The following KYAT1 variants were observed in gnomAD, a reference collection of about 807,000 sequenced individuals.
The protein encoded by KYAT1 is kynurenine--oxoglutarate transaminase 1.
KYAT1 carries 47 observed loss-of-function variants against 52.4 expected under a neutral mutation model. The observed-to-expected ratio is 0.90, with a 90% CI of 0.71 to 1.14. KYAT1 has a LOEUF of 1.14. Ranked by LOEUF, KYAT1 falls within the 50% of genes most tolerant of loss-of-function variation. The probability of loss-of-function intolerance (pLI) is 0.00; values close to 1 mark genes in which losing one functional copy is unlikely to be tolerated. For missense variants in KYAT1, 480 were observed against 557.9 expected, an observed-to-expected ratio of 0.86 and a Z score of 1.41; for synonymous variants, 212 against 209.6, an observed-to-expected ratio of 1.01 and a Z score of -0.10.
chr9:128,878,554 C>T (rs994046610), intron 1 of KYAT1, among the ~76,000 whole-genome samples: 1 of 152,098 alleles, frequency 6.6e-6, no homozygotes, highest in Non-Finnish European at 1.5e-5. Flanking sequence ...AAACAGAATT[C>T]CCTGAAGACA....
In KYAT1 at chr9:128,833,784, G is replaced by A; in HGVS notation, c.1165C>T (p.His389Tyr). 6.2e-7 allele frequency: 1 copy of A among 1,614,230 alleles called. No individual in the cohort carries two copies. The highest frequency in any genetic ancestry group is 1.3e-5 in the African/African-American group (1 of 75,054). The part of the protein sequence containing the change: ...IPVSIFYSVP[H>Y]QKHFDHYIRF... The stretch of plus-strand genomic sequence containing the variant: ...ATATAGTGGTCAAAGTGCTTCTGAT[G>A]TGGCACACTATAGAAGATGGAGACA... The change falls in exon 12 of 13, where the codon CAT (histidine) becomes TAT (tyrosine). Residue 389 changes from histidine to tyrosine, a missense_variant. Transcript: ENST00000302586.
At chr9:128,835,113 G>A (rs1589612382) in intron 11 of KYAT1, 1 of 568,446 alleles carries the variant, frequency 1.8e-6, no homozygotes, top group Admixed American at 3.0e-5. Flanking sequence ...CTCCAGCCTG[G>A]GCAAGAGTGA....
At chr9:128,857,053 G>A (rs1381784404) in intron 1 of KYAT1, among the ~76,000 whole-genome samples, 3 of 152,250 alleles carry the variant, frequency 2.0e-5, no homozygotes, top group Admixed American at 1.3e-4. Context: ...GGCGGGAGGC[G>A]AGACATGTTG....
At chr9:128,881,140 G>A (rs1245873226) in intron 1 of KYAT1, among the ~76,000 whole-genome samples, 1 of 152,122 alleles carries the variant, frequency 6.6e-6, no homozygotes, top group Non-Finnish European at 1.5e-5. Flanking sequence ...GAGTGCAGCG[G>A]CGCGATCTCG....
chr9:128,863,710 G>A (rs1439028737), intron 1 of KYAT1, among the ~76,000 whole-genome samples: 6 of 152,132 alleles, frequency 3.9e-5, no homozygotes, highest in African/African-American at 1.4e-4. Context: ...GGAGCAACTT[G>A]GGGGCTTGTG....
intron 6 of KYAT1, 128 bp from the exon 7 acceptor site, chr9:128,837,050 T>C (rs542926963): frequency 6.5e-6 from 8 of 1,229,594 alleles, no homozygotes; most frequent in East Asian, 2.5e-5. Flanking sequence ...TCCTAGCACT[T>C]TGGGAGGCCG....
intron 1 of KYAT1, among the ~76,000 whole-genome samples, chr9:128,850,683 G>A (rs1476938657): frequency 2.0e-5 from 3 of 152,226 alleles, no homozygotes; most frequent in African/African-American, 7.2e-5. Context: ...CTGTGCTGAG[G>A]TGGATTAGTA....
chr9:128,848,085 C>T (rs1367739623), intron 1 of KYAT1, among the ~76,000 whole-genome samples: 1 of 151,998 alleles, frequency 6.6e-6, no homozygotes, highest in Non-Finnish European at 1.5e-5. Flanking sequence ...TTTGGGAGGC[C>T]AAAGCAGGAG....
At chr9:128,865,359 ATTTT>A (rs776787253) in intron 1 of KYAT1, among the ~76,000 whole-genome samples, 17 of 27,312 alleles carry the variant, frequency 6.2e-4, no homozygotes, top group Non-Finnish European at 8.4e-4. Context: ...ATATATATAT[ATTTT>A]TTTTTTTTTT....
intron 1 of KYAT1, among the ~76,000 whole-genome samples, chr9:128,865,336 TATATATA>T (rs1836139796): frequency 2.8e-3 from 6 of 2,174 alleles, no homozygotes; most frequent in Admixed American, 7.6e-3. Flanking sequence ...TATATATATA[TATATATA>T]TATATATATA....
chr9:128,857,077 C>T (rs894593741), intron 1 of KYAT1, among the ~76,000 whole-genome samples: 9 of 152,342 alleles, frequency 5.9e-5, no homozygotes, highest in Non-Finnish European at 1.2e-4. Context: ...GCAATGCTGC[C>T]TTGTTATTCT....
At chr9:128,853,282 G>T (rs1172139939) in intron 1 of KYAT1, among the ~76,000 whole-genome samples, 1 of 152,082 alleles carries the variant, frequency 6.6e-6, no homozygotes, top group African/African-American at 2.4e-5. Context: ...TTGATTACTT[G>T]GATTTTACCT....
chr9:128,850,820 A>G (rs1280334464), intron 1 of KYAT1, among the ~76,000 whole-genome samples: 8 of 152,088 alleles, frequency 5.3e-5, no homozygotes, highest in East Asian at 1.9e-4. Context: ...GAGAAAAACC[A>G]CCCTATGGCG....
At chr9:128,833,920 G>A (rs955385810) in intron 11 of KYAT1, 94 bp from the exon 12 acceptor site, 34 of 951,694 alleles carry the variant, frequency 3.6e-5, no homozygotes, top group African/African-American at 9.7e-5. Context: ...ACCAGGCGGG[G>A]AAGGAGAGTT....
chr9:128,867,509 C>T (rs189464263), intron 1 of KYAT1, among the ~76,000 whole-genome samples: 98 of 152,128 alleles, frequency 6.4e-4, no homozygotes, highest in Non-Finnish European at 1.2e-3. Context: ...AATATTCACA[C>T]GTATATACAA....
chr9:128,867,988 T>C (rs2130761054), intron 1 of KYAT1, among the ~76,000 whole-genome samples: 1 of 152,090 alleles, frequency 6.6e-6, no homozygotes, highest in East Asian at 1.9e-4. Context: ...TTAGCCAGGA[T>C]GGTCTCGATC....
intron 1 of KYAT1, among the ~76,000 whole-genome samples, chr9:128,856,500 A>C (rs546638195): frequency 7.9e-5 from 12 of 152,336 alleles, no homozygotes; most frequent in African/African-American, 2.9e-4. Context: ...CTATGTAGAA[A>C]GGGAAGACAT....
Position 128,881,931 on chromosome 9 carries a change from T to G in KYAT1, c.-41A>C, listed in dbSNP as rs574978358. The G allele has an allele frequency of 6.6e-6, 1 of 152,298 alleles. No individual in the cohort carries two copies. The highest frequency in any genetic ancestry group is 1.5e-5 in the Non-Finnish European group (1 of 68,116). 9.4% of individuals were successfully genotyped at this position (152,298 alleles called of 1,614,324 possible). A position where few individuals can be genotyped will look rare whatever the true frequency, so the allele number is the denominator to read the frequency against. ...GGCCGCTTCACCCCTCGTTCCCAAG[T>G]ACACCCCGTAGGTTGCAGCAGTCCC... On this transcript the variant is annotated 5_prime_UTR_variant, in exon 1 of 13. Transcript: ENST00000302586.
In KYAT1 at chr9:128,838,506, C is replaced by T. The variant is rs562963981; in HGVS notation, c.202-139G>A. The T allele has an allele frequency of 1.9e-4, 167 of 860,170 alleles. No homozygotes were observed. The Middle Eastern group carries it at 1.9e-3, about 10-fold the overall frequency. The allele number at this position is 860,170 out of a possible 1,614,324, so 53.3% of individuals were successfully genotyped here. A position where few individuals can be genotyped will look rare whatever the true frequency, so the allele number is the denominator to read the frequency against. On this transcript the variant is annotated intron_variant, in intron 3 of 12. Coordinates refer to ENST00000302586, the MANE Select transcript of KYAT1 (RefSeq NM_004059.5). Reference sequence around the variant, plus strand: ...TACTGGTAGCCTGGGCCCCAGGGGACGTGGAATAGATCAGCTTTCAACACT... The same window carrying T: ...TACTGGTAGCCTGGGCCCCAGGGGATGTGGAATAGATCAGCTTTCAACACT...
Sources: allele counts gnomAD v4.1 joint callset (sites outside exome capture counted in the v4.1 genomes callset), GRCh38; gene constraint gnomAD v4.1.1; transcripts MANE v1.5; gene names NCBI Gene and HGNC (gene_info 2026-07-23, HGNC 2026-07-21).